EVC: variants seen among roughly 807,000 people sequenced by gnomAD.
The protein encoded by EVC is evC complex member EVC.
EVC carries 116 observed loss-of-function variants against 118.9 expected under a neutral mutation model. That is an observed-to-expected ratio of 0.98 (90% CI 0.84 to 1.14). The LOEUF is 1.14. Ranked by LOEUF, EVC falls within the 50% of genes most tolerant of loss-of-function variation. EVC has a pLI of 0.00. For synonymous variants in EVC, 619 were observed against 534.7 expected, an observed-to-expected ratio of 1.16 and a Z score of -2.18; for missense variants, 1,401 against 1,246.4, an observed-to-expected ratio of 1.12 and a Z score of -1.87.
chr4:5,738,145 A>G lies in EVC; in HGVS notation c.703-3571A>G, dbSNP rs150984710. Among the ~76,000 whole-genome samples, 273 of 152,328 alleles carry G rather than the reference A, an allele frequency of 1.8e-3. No homozygotes were observed. The highest frequency in any genetic ancestry group is 5.2e-3 in the African/African-American group (216 of 41,574). On this transcript the variant is annotated intron_variant, in intron 5 of 20. Transcript: ENST00000264956. The surrounding 1 kb of genome is among the most constrained non-coding windows in gnomAD (Gnocchi z 6.5). ...GGAGGAAGTCATTGGAAATGTGGAAATAGCAAGAAAACTAGGATTAGAATT... is the reference window on the plus strand; with the variant it reads ...GGAGGAAGTCATTGGAAATGTGGAAGTAGCAAGAAAACTAGGATTAGAATT...
At chr4:5,801,401 G>A (rs1238032224) in intron 15 of EVC, among the ~76,000 whole-genome samples, 2 of 152,072 alleles carry the variant, frequency 1.3e-5, no homozygotes, top group South Asian at 2.1e-4. Flanking sequence ...GGCCTCGGCC[G>A]GGCGTGGTGG....
At position 5,783,599 on chromosome 4, in the gene EVC, C is replaced by T. The variant is rs765193502; in HGVS notation, c.1611C>T (p.Ala537=). ...ACACTTTCCAGAAGTTCGTGGATGC[C>T]CTGTTCCTTCAGACGCTCCCTGGCA... The part of the protein sequence containing the change: ...TVDTFQKFVD[A]LFLQTLPGMT... The change falls in exon 12 of 21, where the codon GCC becomes GCT. Residue 537 remains alanine, a synonymous_variant. Coordinates refer to ENST00000264956, the MANE Select transcript of EVC (RefSeq NM_153717.3). The T allele has an allele frequency of 3.7e-6, 6 of 1,614,152 alleles. No homozygotes were observed. Among genetic ancestry groups the T allele is most frequent in the Non-Finnish European group, 5.1e-6 (6 of 1,180,028 alleles).
intron 11 of EVC, among the ~76,000 whole-genome samples, chr4:5,770,785 C>T (rs926988433): frequency 2.6e-5 from 4 of 152,068 alleles, no homozygotes; most frequent in African/African-American, 7.3e-5. Context: ...CCGAGGTGGG[C>T]AGATACACCT....
chr4:5,764,643 G>A (rs1370307068), intron 11 of EVC, among the ~76,000 whole-genome samples: 1 of 145,884 alleles, frequency 6.9e-6, no homozygotes, highest in African/African-American at 2.5e-5. Flanking sequence ...GAGTGTATGT[G>A]TTGAGGAATT....
intron 11 of EVC, among the ~76,000 whole-genome samples, chr4:5,763,358 G>C (rs1182537918): frequency 3.4e-5 from 5 of 146,716 alleles, no homozygotes; most frequent in African/African-American, 1.0e-4. Context: ...TTGTTCTTTT[G>C]GCTTAGGATT....
At chr4:5,768,849 C>CTT (rs1171920261) in intron 11 of EVC, among the ~76,000 whole-genome samples, 1 of 149,166 alleles carries the variant, frequency 6.7e-6, no homozygotes, top group Non-Finnish European at 1.5e-5. Flanking sequence ...GAGCAAAACT[C>CTT]TGTCTCAAAA....
intron 11 of EVC, among the ~76,000 whole-genome samples, chr4:5,773,948 G>A (rs980601709): frequency 1.3e-5 from 2 of 152,088 alleles, no homozygotes; most frequent in African/African-American, 4.8e-5. Flanking sequence ...TCTCCCAGGG[G>A]CCAGACCATG....
chr4:5,717,205 TG>T (rs1488733072), intron 1 of EVC, among the ~76,000 whole-genome samples: 2 of 152,200 alleles, frequency 1.3e-5, no homozygotes, highest in African/African-American at 4.8e-5. Flanking sequence ...ACTTTATACT[TG>T]TATTGAGTTT....
rs1381507855 is a variant in EVC, at chr4:5,765,253, C to G, written c.1563+8891C>G. Reference sequence around the variant, plus strand: ...AATCCTGAGTTCTAGTTTGATTGCACTGTGGTCTGAGAGATAGTTTGTTAT... The same window carrying G: ...AATCCTGAGTTCTAGTTTGATTGCAGTGTGGTCTGAGAGATAGTTTGTTAT... On this transcript the variant is annotated intron_variant, in intron 11 of 20. Coordinates refer to ENST00000264956, the MANE Select transcript of EVC (RefSeq NM_153717.3). 1.7e-5 allele frequency among the ~76,000 whole-genome samples: 2 copies of G among 117,930 alleles called. 1 individual carries two copies. 77.4% of individuals were successfully genotyped at this position (117,930 alleles called of 152,430 possible).
At chr4:5,730,452 C>T (rs745600109) in intron 3 of EVC, among the ~76,000 whole-genome samples, 57 of 152,032 alleles carry the variant, frequency 3.7e-4, no homozygotes, top group Non-Finnish European at 6.8e-4. Flanking sequence ...ACATTGGGAA[C>T]CACATCCTTC....
At chr4:5,794,304 T>TA (rs1491578320) in intron 13 of EVC, among the ~76,000 whole-genome samples, 11 of 116,044 alleles carry the variant, frequency 9.5e-5, no homozygotes, top group Non-Finnish European at 1.0e-4. Context: ...TATATTTATA[T>TA]TTTTATATAT....
At chr4:5,750,249 C>A (rs1730150161) in intron 8 of EVC, among the ~76,000 whole-genome samples, 1 of 152,174 alleles carries the variant, frequency 6.6e-6, no homozygotes, top group African/African-American at 2.4e-5. Context: ...GCTGCTGACT[C>A]ATTAATGCTC....
intron 12 of EVC, among the ~76,000 whole-genome samples, chr4:5,787,712 G>A (rs1711959058): frequency 1.3e-5 from 2 of 152,174 alleles, no homozygotes; most frequent in South Asian, 4.1e-4. Context: ...TAGGAGTGGG[G>A]CAGGGAATGT....
chr4:5,751,638 A>G (rs1730386062), intron 8 of EVC, among the ~76,000 whole-genome samples: 1 of 152,204 alleles, frequency 6.6e-6, no homozygotes, highest in Non-Finnish European at 1.5e-5. Context: ...TGGGCGACTC[A>G]GGCCTGGCCC....
chr4:5,791,411 A>G (rs1206406760), intron 12 of EVC, among the ~76,000 whole-genome samples: 1 of 152,202 alleles, frequency 6.6e-6, no homozygotes, highest in Non-Finnish European at 1.5e-5. Flanking sequence ...GCAAAGGAAC[A>G]TTGATGATTC....
intron 1 of EVC, among the ~76,000 whole-genome samples, chr4:5,717,071 C>T (rs6847006): frequency 0.83 from 126,366 of 152,106 alleles, 52,804 homozygotes; most frequent in African/African-American, 0.92. Flanking sequence ...TCCTTTTATA[C>T]GTTTTCTTCT....
intron 9 of EVC, 105 bp from the exon 10 acceptor site, chr4:5,753,680 C>G: frequency 6.8e-7 from 1 of 1,477,318 alleles, no homozygotes; most frequent in South Asian, 1.1e-5. Flanking sequence ...TCTCTGCAGC[C>G]GACACCAGCT....
intron 2 of EVC, among the ~76,000 whole-genome samples, chr4:5,724,823 A>C (rs974341576): frequency 1.3e-4 from 19 of 151,770 alleles, no homozygotes; most frequent in African/African-American, 4.6e-4. Context: ...TTGCTGCTTA[A>C]CCTAGGTGTT....
At chr4:5,783,448 C>T (rs532306451) in intron 11 of EVC, 104 bp from the exon 12 acceptor site, 14 of 1,100,176 alleles carry the variant, frequency 1.3e-5, no homozygotes, top group South Asian at 1.1e-4. Context: ...TGTGGATCTC[C>T]TTGTGTCTTG....
Sources: gnomAD v4.1 joint callset for allele counts (sites outside exome capture counted in the v4.1 genomes callset) on GRCh38, gnomAD v4.1.1 for gene constraint, Gnocchi (gnomAD v3.1) non-coding constraint, MANE v1.5 for transcripts, NCBI Gene and HGNC (gene_info 2026-07-23, HGNC 2026-07-21) for gene names.